Variants in ZC3H12B observed in about 807,000 individuals in gnomAD.
The protein encoded by ZC3H12B is probable ribonuclease ZC3H12B.
ZC3H12B carries 7 observed loss-of-function variants against 43.9 expected under a neutral mutation model. That is an observed-to-expected ratio of 0.16 (90% CI 0.09 to 0.30). ZC3H12B has a LOEUF of 0.30. Ranked by LOEUF, ZC3H12B falls within the 10% of genes least tolerant of loss-of-function variation. ZC3H12B has a pLI of 1.00. For synonymous variants in ZC3H12B, 222 were observed against 241.7 expected (o/e 0.92, Z 0.76); for missense variants, 475 against 670.2 (o/e 0.71, Z 3.22).
At chrX:65,257,906 A>C in the ZC3H12B span, among the ~76,000 whole-genome samples, 19 of 111,444 alleles carry the variant, frequency 1.7e-4, no homozygotes, top group Admixed American at 1.1e-3. Context: ...TACCAACTGG[A>C]AGAAGCCCAA....
In ZC3H12B at chrX:65,461,558, G is replaced by A. The variant is rs188083668; in HGVS notation, n.408-27088G>A. The stretch of plus-strand genomic sequence containing the variant: ...TGAGTTCTTGTCCTTTGTAGGGACA[G>A]GGATGAAGCTGGAAACCATCATTCT... On this transcript the variant is annotated intron_variant and non_coding_transcript_variant, in intron 3 of 5. Coordinates refer to the ZC3H12B transcript ENST00000617377. 5.8e-4 allele frequency among the ~76,000 whole-genome samples: 65 copies of A among 111,795 alleles called. 1 individual carries two copies. The East Asian group carries it at 0.017, about 30-fold the overall frequency.
chrX:65,158,885 C>G, the ZC3H12B span, among the ~76,000 whole-genome samples: 1 of 111,896 alleles, frequency 8.9e-6, no homozygotes, highest in Non-Finnish European at 1.9e-5. Context: ...AAGTTTTCTT[C>G]TAGGGTTTTT....
the ZC3H12B span, among the ~76,000 whole-genome samples, chrX:65,305,734 C>T: frequency 8.9e-6 from 1 of 111,839 alleles, no homozygotes; most frequent in Non-Finnish European, 1.9e-5. Flanking sequence ...TCCTCAGTGC[C>T]CTTCACAATT....
the ZC3H12B span, among the ~76,000 whole-genome samples, chrX:65,216,827 T>C: frequency 3.6e-5 from 4 of 112,155 alleles, no homozygotes; most frequent in African/African-American, 1.3e-4. Flanking sequence ...TTCCTTTGTA[T>C]GGTATTTCTA....
At chrX:65,503,709 A>G (rs938072979) in exon 5 of ZC3H12B, 3 of 109,783 alleles carry the variant, frequency 2.7e-5, no homozygotes, top group Non-Finnish European at 5.7e-5. Context: ...CTCCACCTCC[A>G]GGGTTCAAGT....
the ZC3H12B span, among the ~76,000 whole-genome samples, chrX:65,080,932 TAGAC>T: frequency 3.8e-4 from 42 of 110,199 alleles, no homozygotes; most frequent in African/African-American, 1.3e-3. Flanking sequence ...TTTTAAGGCA[TAGAC>T]AGTATAATAA....
the ZC3H12B span, among the ~76,000 whole-genome samples, chrX:65,076,806 GT>G: frequency 9.1e-6 from 1 of 110,184 alleles, no homozygotes; most frequent in Non-Finnish European, 1.9e-5. Context: ...GTCTGCATTT[GT>G]TTAAAGATAT....
chrX:65,223,898 C>A, the ZC3H12B span, among the ~76,000 whole-genome samples: 1 of 111,985 alleles, frequency 8.9e-6, no homozygotes. Context: ...AGTGGAAATT[C>A]CTTAAAGAAC....
chrX:65,324,366 CT>C, the ZC3H12B span, among the ~76,000 whole-genome samples: 1 of 110,835 alleles, frequency 9.0e-6, no homozygotes, highest in African/African-American at 3.3e-5. Context: ...TGAGTTTCTT[CT>C]TTTTTTCTAT....
chrX:65,325,097 A>T, the ZC3H12B span, among the ~76,000 whole-genome samples: 1 of 110,825 alleles, frequency 9.0e-6, no homozygotes, highest in South Asian at 3.7e-4. Context: ...TCTTATATAA[A>T]TATTTCTACC....
At chrX:65,235,761 A>G in the ZC3H12B span, among the ~76,000 whole-genome samples, 1 of 111,927 alleles carries the variant, frequency 8.9e-6, no homozygotes, top group Non-Finnish European at 1.9e-5. Flanking sequence ...TTGATCAGGG[A>G]ATCCTGAGGT....
intron 2 of ZC3H12B, among the ~76,000 whole-genome samples, chrX:65,369,812 G>C: frequency 9.0e-6 from 1 of 111,603 alleles, no homozygotes; most frequent in Non-Finnish European, 1.9e-5. Flanking sequence ...CAACTTTTGA[G>C]ATCTGTTTGT....
chrX:65,173,221 T>C, the ZC3H12B span, among the ~76,000 whole-genome samples: 1 of 111,989 alleles, frequency 8.9e-6, no homozygotes, highest in South Asian at 3.7e-4. Flanking sequence ...GTCTGTCTGC[T>C]TATCTATTGT....
At chrX:65,330,995 C>A in the ZC3H12B span, 1 of 334,602 alleles carries the variant, frequency 3.0e-6, no homozygotes, top group Non-Finnish European at 5.9e-6. Flanking sequence ...GCATATTGTT[C>A]CTGAATGACT....
the ZC3H12B span, among the ~76,000 whole-genome samples, chrX:65,103,340 G>A: frequency 8.9e-6 from 1 of 111,895 alleles, no homozygotes; most frequent in African/African-American, 3.2e-5. Context: ...CGGCTCTCAG[G>A]CAGTCAGACC....
At chrX:65,130,158 G>T in the ZC3H12B span, among the ~76,000 whole-genome samples, 1 of 111,241 alleles carries the variant, frequency 9.0e-6, no homozygotes. Flanking sequence ...GCTGAGCTTG[G>T]TGAGGTCTGG....
the ZC3H12B span, among the ~76,000 whole-genome samples, chrX:65,142,426 G>A: frequency 1.8e-5 from 2 of 112,136 alleles, no homozygotes; most frequent in African/African-American, 3.2e-5. Flanking sequence ...TGTATGGATT[G>A]TTAAAGAATT....
chrX:65,080,895 C>T, the ZC3H12B span, among the ~76,000 whole-genome samples: 1 of 110,976 alleles, frequency 9.0e-6, no homozygotes, highest in Non-Finnish European at 1.9e-5. Flanking sequence ...AATGATGAAT[C>T]AATCATAAAT....
At chrX:65,205,837 T>C in the ZC3H12B span, among the ~76,000 whole-genome samples, 1 of 111,827 alleles carries the variant, frequency 8.9e-6, no homozygotes, top group African/African-American at 3.2e-5. Context: ...CATACAAAAT[T>C]AATGTACGCA....
Sources: allele counts gnomAD v4.1 joint callset (sites outside exome capture counted in the v4.1 genomes callset), GRCh38; gene constraint gnomAD v4.1.1; transcripts MANE v1.5; gene names NCBI Gene and HGNC (gene_info 2026-07-23, HGNC 2026-07-21).